Variants in MCC observed in about 807,000 individuals in gnomAD.
The protein encoded by MCC is colorectal mutant cancer protein.
A neutral mutation model predicts 116.2 loss-of-function variants in MCC; 90 were observed. The observed-to-expected ratio is 0.77, with a 90% CI of 0.65 to 0.92. The LOEUF is 0.92. Ranked by LOEUF, MCC falls within the 40% of genes least tolerant of loss-of-function variation. The pLI is 0.00. For synonymous variants in MCC, 578 were observed against 510.5 expected (o/e 1.13, Z -1.78); for missense variants, 1,516 against 1,312.2 (o/e 1.16, Z -2.40).
At chr5:113,152,248 GGACTTTGGCT>G (rs1254655252) in intron 3 of MCC, among the ~76,000 whole-genome samples, 2 of 152,192 alleles carry the variant, frequency 1.3e-5, no homozygotes, top group Admixed American at 1.3e-4. Flanking sequence ...TCTAAAGACT[GGACTTTGGCT>G]GCACACACAC....
At chr5:113,127,953 C>T (rs1205378534) in intron 5 of MCC, among the ~76,000 whole-genome samples, 3 of 152,112 alleles carry the variant, frequency 2.0e-5, no homozygotes, top group Admixed American at 6.6e-5. Flanking sequence ...TAGGTTGTCT[C>T]CCATAATCCT....
rs1315343383 is a variant in MCC, at chr5:113,085,255, G to A, written c.1454C>T (p.Pro485Leu). 2 of 1,614,186 alleles carry A rather than the reference G, an allele frequency of 1.2e-6. No homozygotes were observed. The highest frequency in any genetic ancestry group is 1.7e-6 in the Non-Finnish European group (2 of 1,180,044). ...QSVQATGPSSPGRLTSTNRPI... is the reference protein window; with the variant it reads ...QSVQATGPSSLGRLTSTNRPI... ...GCGGTTGGTGGAAGTGAGGCGGCCA[G>A]GGCTGGAGGGACCTGTGGCCTGCAC... Residue 485 changes from proline to leucine, a missense_variant, in exon 9 of 19, where the codon CCT (proline) becomes CTT (leucine). Transcript: ENST00000408903.
At chr5:113,100,935 T>A (rs1212205779) in intron 8 of MCC, among the ~76,000 whole-genome samples, 2 of 152,224 alleles carry the variant, frequency 1.3e-5, no homozygotes, top group African/African-American at 2.4e-5. Flanking sequence ...AGGAATTCAT[T>A]GCTTCACCCC....
intron 16 of MCC, among the ~76,000 whole-genome samples, chr5:113,044,822 C>T (rs1031157117): frequency 6.6e-6 from 1 of 152,226 alleles, no homozygotes; most frequent in Non-Finnish European, 1.5e-5. Context: ...AATCCACCCA[C>T]CTTGGCCTCC....
chr5:113,179,784 G>A (rs764375245), intron 3 of MCC, among the ~76,000 whole-genome samples: 4 of 152,120 alleles, frequency 2.6e-5, no homozygotes, highest in Non-Finnish European at 4.4e-5. Context: ...ACACACACAG[G>A]GAACATTAGA....
chr5:113,337,581 C>T (rs915154698), intron 3 of MCC, among the ~76,000 whole-genome samples: 16 of 152,204 alleles, frequency 1.1e-4, no homozygotes, highest in African/African-American at 3.4e-4. Context: ...GTGTTCAGTA[C>T]GGTTTTCTTT....
At chr5:113,407,354 C>T (rs543605796) in intron 1 of MCC, among the ~76,000 whole-genome samples, 1 of 152,264 alleles carries the variant, frequency 6.6e-6, no homozygotes, top group Admixed American at 6.5e-5. Context: ...GAGTGGAAAG[C>T]ATTCTTTATG....
chr5:113,041,803 T>C (rs1268801821), intron 17 of MCC, among the ~76,000 whole-genome samples: 1 of 152,162 alleles, frequency 6.6e-6, no homozygotes, highest in East Asian at 1.9e-4. Context: ...AAGACCAGCC[T>C]GGCCAACATG....
chr5:113,210,607 G>A (rs1334222684), intron 3 of MCC, among the ~76,000 whole-genome samples: 1 of 152,112 alleles, frequency 6.6e-6, no homozygotes, highest in Middle Eastern at 3.2e-3. Context: ...GGATGTTTGG[G>A]GGAAACATGA....
chr5:113,313,637 T>C (rs1190204260), intron 3 of MCC, among the ~76,000 whole-genome samples: 2 of 152,210 alleles, frequency 1.3e-5, no homozygotes, highest in East Asian at 1.9e-4. Context: ...AGCTATTTTC[T>C]TGGGTTCCTA....
intron 6 of MCC, among the ~76,000 whole-genome samples, chr5:113,115,918 T>A (rs1757365642): frequency 6.6e-6 from 1 of 152,146 alleles, no homozygotes. Flanking sequence ...CTTTGAGAAG[T>A]AATCTTGAAG....
At chr5:113,346,597 T>C (rs1768138010) in intron 2 of MCC, among the ~76,000 whole-genome samples, 1 of 144,000 alleles carries the variant, frequency 6.9e-6, no homozygotes, top group Admixed American at 7.0e-5. Flanking sequence ...TGAAACTCTG[T>C]CTAAAAAAAC....
chr5:113,388,837 GACAGTATGAGGC>G (rs1769335008), intron 1 of MCC, among the ~76,000 whole-genome samples: 1 of 152,196 alleles, frequency 6.6e-6, no homozygotes, highest in Admixed American at 6.5e-5. Flanking sequence ...AAGAGTCAGA[GACAGTATGAGGC>G]ACAGCCTGGA....
intron 1 of MCC, among the ~76,000 whole-genome samples, chr5:113,467,156 T>G (rs1457086055): frequency 6.6e-6 from 1 of 152,076 alleles, no homozygotes; most frequent in East Asian, 1.9e-4. Context: ...CTGATGGTAG[T>G]TTCTTTTGCT....
chr5:113,175,933 C>T (rs1223224234), intron 3 of MCC, among the ~76,000 whole-genome samples: 1 of 151,998 alleles, frequency 6.6e-6, no homozygotes, highest in Non-Finnish European at 1.5e-5. Flanking sequence ...TAAATATTCC[C>T]TTCTTTTCTG....
intron 3 of MCC, among the ~76,000 whole-genome samples, chr5:113,260,712 T>C (rs528102572): frequency 6.6e-6 from 1 of 151,906 alleles, no homozygotes. Flanking sequence ...AACTGAGTTA[T>C]GTAGCTTTTT....
intron 8 of MCC, among the ~76,000 whole-genome samples, chr5:113,090,805 C>A (rs1158683758): frequency 1.3e-5 from 2 of 152,206 alleles, no homozygotes; most frequent in African/African-American, 4.8e-5. Context: ...CTAAAGTCAA[C>A]AGGTGCTCCT....
chr5:113,237,127 A>G (rs1764164295), intron 3 of MCC, among the ~76,000 whole-genome samples: 1 of 152,262 alleles, frequency 6.6e-6, no homozygotes, highest in African/African-American at 2.4e-5. Context: ...ATACGCCTTC[A>G]GGGAATAAAT....
At chr5:113,420,059 GAAAAA>G (rs1247940932) in intron 1 of MCC, among the ~76,000 whole-genome samples, 2 of 148,408 alleles carry the variant, frequency 1.3e-5, no homozygotes, top group East Asian at 3.9e-4. Context: ...AAAAAGAAAA[GAAAAA>G]AAGGTGAAAT....
Sources: allele counts gnomAD v4.1 joint callset (sites outside exome capture counted in the v4.1 genomes callset), GRCh38; gene constraint gnomAD v4.1.1; transcripts MANE v1.5; gene names NCBI Gene and HGNC (gene_info 2026-07-23, HGNC 2026-07-21).